The following SLIT3 variants were observed in gnomAD, a reference collection of about 807,000 sequenced individuals.
SLIT3 encodes the protein slit guidance ligand 3.
SLIT3 carries 68 observed loss-of-function variants against 184.0 expected under a neutral mutation model. That is an observed-to-expected ratio of 0.37 (90% CI 0.30 to 0.45). The LOEUF (loss-of-function observed/expected upper bound fraction) is 0.45, where lower values mean the gene tolerates loss of function less well. SLIT3 is among the 20% of genes least tolerant of loss of function. The pLI is 1.00. For synonymous variants in SLIT3, 831 were observed against 828.6 expected (o/e 1.00, Z -0.05); for missense variants, 1,707 against 2,026.0 (o/e 0.84, Z 3.02).
chr5:168,849,983 T>A (rs1581143853), intron 5 of SLIT3, among the ~76,000 whole-genome samples: 1 of 152,210 alleles, frequency 6.6e-6, no homozygotes, highest in East Asian at 1.9e-4. Context: ...GGTTGTTTTT[T>A]TTTATGACAG....
chr5:169,045,917 A>G (rs1197605028), intron 4 of SLIT3, among the ~76,000 whole-genome samples: 1 of 152,130 alleles, frequency 6.6e-6, no homozygotes, highest in Non-Finnish European at 1.5e-5. Context: ...GCAGTAACTG[A>G]CTGTGTTTTG....
In SLIT3 at chr5:169,144,536, G is replaced by A. The variant is rs141192759; in HGVS notation, c.413+48943C>T. Among the ~76,000 whole-genome samples the A allele has an allele frequency of 7.1e-4, 108 of 152,328 alleles. 2 individuals carry two copies. Among genetic ancestry groups the A allele is most frequent in the African/African-American group, 2.3e-3 (94 of 41,568 alleles). On this transcript the variant is annotated intron_variant, in intron 4 of 35. Coordinates refer to ENST00000519560, the MANE Select transcript of SLIT3 (RefSeq NM_003062.4). The stretch of plus-strand genomic sequence containing the variant: ...TTTCATCCCAAGTATCTAGCACAGC[G>A]TCTAGATGCTCTCAATAAATGTTTG...
At position 168,935,151 on chromosome 5, in the gene SLIT3, A is replaced by C. The variant is rs1415061567; in HGVS notation, c.414-51815T>G. ...AGACTCCGTCTCAAAAAAAAAAAAC[A>C]AAAAAAAAAACCAACAACAAAAAAG... On this transcript the variant is annotated intron_variant, in intron 4 of 35. Transcript: ENST00000519560. Among the ~76,000 whole-genome samples, 204 of 131,192 alleles carry C rather than the reference A, an allele frequency of 1.6e-3. 2 individuals carry two copies. Among genetic ancestry groups the C allele is most frequent in the African/African-American group, 5.6e-3 (184 of 33,124 alleles). 86.1% of individuals were successfully genotyped at this position (131,192 alleles called of 152,430 possible). A position where few individuals can be genotyped will look rare whatever the true frequency, so the allele number is the denominator to read the frequency against.
intron 4 of SLIT3, among the ~76,000 whole-genome samples, chr5:169,131,728 A>G (rs1483952919): frequency 6.6e-6 from 1 of 152,204 alleles, no homozygotes; most frequent in Non-Finnish European, 1.5e-5. Flanking sequence ...TCTGTGGCTT[A>G]GCTATGCCTA....
intron 4 of SLIT3, among the ~76,000 whole-genome samples, chr5:169,020,620 A>G (rs1756563198): frequency 6.6e-6 from 1 of 152,214 alleles, no homozygotes; most frequent in African/African-American, 2.4e-5. Flanking sequence ...CAGCAGCTGA[A>G]TTAATTTAAC....
chr5:168,877,460 A>C (rs1321686534), intron 5 of SLIT3, among the ~76,000 whole-genome samples: 1 of 152,222 alleles, frequency 6.6e-6, no homozygotes, highest in African/African-American at 2.4e-5. Flanking sequence ...GCAGGACAAG[A>C]CCAGGAGTGT....
intron 4 of SLIT3, among the ~76,000 whole-genome samples, chr5:169,080,328 C>T (rs2113157341): frequency 6.6e-6 from 1 of 152,282 alleles, no homozygotes; most frequent in Non-Finnish European, 1.5e-5. Context: ...TAGCATTTAG[C>T]AGGTATTGAG....
chr5:169,104,254 C>T (rs1252297242), intron 4 of SLIT3, among the ~76,000 whole-genome samples: 2 of 152,170 alleles, frequency 1.3e-5, no homozygotes, highest in African/African-American at 2.4e-5. Flanking sequence ...CGTGGAATCA[C>T]CTGCCTTTTG....
intron 14 of SLIT3, 38 bp downstream of exon 14, chr5:168,772,743 G>T: frequency 6.2e-7 from 1 of 1,612,216 alleles, no homozygotes; most frequent in Non-Finnish European, 8.5e-7. Context: ...GCTGCATTCT[G>T]AGTCAGAAAG....
chr5:169,297,454 C>T (rs1252150486), intron 1 of SLIT3, among the ~76,000 whole-genome samples: 1 of 152,154 alleles, frequency 6.6e-6, no homozygotes, highest in African/African-American at 2.4e-5. Context: ...AAGTCAAAAA[C>T]ATCCAGAGAA....
intron 23 of SLIT3, 54 bp downstream of exon 23, chr5:168,722,202 T>C (rs1762963950): frequency 6.6e-7 from 1 of 1,516,172 alleles, no homozygotes; most frequent in Non-Finnish European, 9.2e-7. Flanking sequence ...TTAGTCTGCT[T>C]CCTGCTGTCA....
chr5:168,833,601 A>T (rs777253596), intron 6 of SLIT3, among the ~76,000 whole-genome samples: 2 of 152,250 alleles, frequency 1.3e-5, no homozygotes, highest in Non-Finnish European at 2.9e-5. Flanking sequence ...TGCTGAATGC[A>T]AAACGTTCCC....
chr5:168,868,438 A>C (rs867484820), intron 5 of SLIT3, among the ~76,000 whole-genome samples: 1 of 152,164 alleles, frequency 6.6e-6, no homozygotes, highest in Non-Finnish European at 1.5e-5. Flanking sequence ...CTATAGGTTC[A>C]TTTAACTTTC....
chr5:169,036,887 C>T (rs1439678521), intron 4 of SLIT3, among the ~76,000 whole-genome samples: 1 of 152,150 alleles, frequency 6.6e-6, no homozygotes, highest in Non-Finnish European at 1.5e-5. Flanking sequence ...TCTCATTACC[C>T]AGGGCCATCT....
chr5:169,192,800 T>C (rs1399111317), intron 4 of SLIT3, among the ~76,000 whole-genome samples: 2 of 152,190 alleles, frequency 1.3e-5, no homozygotes, highest in African/African-American at 4.8e-5. Context: ...GATAATTTAA[T>C]TAGCACTTGC....
intron 4 of SLIT3, among the ~76,000 whole-genome samples, chr5:169,159,345 G>C (rs544123136): frequency 1.3e-5 from 2 of 152,366 alleles, no homozygotes; most frequent in Admixed American, 6.5e-5. Context: ...AGAATGGCTT[G>C]AACCCGGGAG....
chr5:168,838,386 A>AAAGAG (rs1415455905), intron 6 of SLIT3, among the ~76,000 whole-genome samples: 20 of 152,214 alleles, frequency 1.3e-4, no homozygotes, highest in Non-Finnish European at 2.8e-4. Context: ...TTATCACAGT[A>AAAGAG]CCTAAAGATG....
At chr5:169,025,253 G>A (rs1417811143) in intron 4 of SLIT3, among the ~76,000 whole-genome samples, 4 of 152,154 alleles carry the variant, frequency 2.6e-5, no homozygotes, top group African/African-American at 9.7e-5. Flanking sequence ...TTCAAGGAAG[G>A]AAAGGGATGA....
chr5:168,884,870 C>T (rs1207330611), intron 4 of SLIT3, among the ~76,000 whole-genome samples: 1 of 151,970 alleles, frequency 6.6e-6, no homozygotes, highest in Non-Finnish European at 1.5e-5. Flanking sequence ...GGAGAACTTG[C>T]TGGTCACAGG....
Sources: gnomAD v4.1 joint callset for allele counts (sites outside exome capture counted in the v4.1 genomes callset) on GRCh38, gnomAD v4.1.1 for gene constraint, MANE v1.5 for transcripts, NCBI Gene and HGNC (gene_info 2026-07-23, HGNC 2026-07-21) for gene names.